The following RPS6KC1 variants were observed in gnomAD, a reference collection of about 807,000 sequenced individuals.
RPS6KC1 encodes inactive ribosomal protein S6 kinase delta-1.
In RPS6KC1, 54 loss-of-function variants were observed where a neutral mutation model predicts 103.8. The ratio of observed to expected loss-of-function variants is 0.52; its 90% CI spans 0.42 to 0.65. RPS6KC1 has a LOEUF of 0.65. Ranked by LOEUF, RPS6KC1 falls within the 30% of genes least tolerant of loss-of-function variation. RPS6KC1 has a pLI of 0.00. For synonymous variants in RPS6KC1, 439 were observed against 438.7 expected, an observed-to-expected ratio of 1.00 and a Z score of -0.01; for missense variants, 1,151 against 1,253.8, an observed-to-expected ratio of 0.92 and a Z score of 1.24.
intron 6 of RPS6KC1, among the ~76,000 whole-genome samples, chr1:213,144,590 G>T (rs1236545003): frequency 3.9e-5 from 6 of 151,994 alleles, no homozygotes; most frequent in Non-Finnish European, 7.4e-5. Context: ...TTACCAGCTT[G>T]TTCTTCCCCA....
At chr1:213,729,663 G>C in the RPS6KC1 span, among the ~76,000 whole-genome samples, 1 of 152,144 alleles carries the variant, frequency 6.6e-6, no homozygotes, top group African/African-American at 2.4e-5. Flanking sequence ...TCCTGCTTCT[G>C]GGCCGTGATT....
At chr1:213,084,933 T>C (rs764743612) in intron 3 of RPS6KC1, among the ~76,000 whole-genome samples, 1 of 152,206 alleles carries the variant, frequency 6.6e-6, no homozygotes, top group Non-Finnish European at 1.5e-5. Context: ...CCCTTATTAG[T>C]GATATGAATT....
chr1:213,741,217 A>G, the RPS6KC1 span, among the ~76,000 whole-genome samples: 3 of 151,862 alleles, frequency 2.0e-5, no homozygotes, highest in Admixed American at 6.6e-5. Context: ...CTATTAATAT[A>G]TTCATCACTT....
intron 6 of RPS6KC1, among the ~76,000 whole-genome samples, chr1:213,156,139 A>G (rs1237163146): frequency 1.3e-5 from 2 of 152,188 alleles, no homozygotes; most frequent in Non-Finnish European, 2.9e-5. Flanking sequence ...ATTATCTTGA[A>G]AAAGTTAAGT....
At chr1:213,861,219 A>G in the RPS6KC1 span, among the ~76,000 whole-genome samples, 1 of 152,212 alleles carries the variant, frequency 6.6e-6, no homozygotes, top group Non-Finnish European at 1.5e-5. Flanking sequence ...GCTGATTCAG[A>G]GTGGGCCTTA....
At chr1:213,440,614 AAG>A in the RPS6KC1 span, among the ~76,000 whole-genome samples, 4 of 151,114 alleles carry the variant, frequency 2.6e-5, no homozygotes, top group Non-Finnish European at 5.9e-5. Flanking sequence ...AAAAAAAAAA[AAG>A]AACTCTATTA....
chr1:213,702,340 G>A, the RPS6KC1 span, among the ~76,000 whole-genome samples: 1 of 151,766 alleles, frequency 6.6e-6, no homozygotes, highest in African/African-American at 2.4e-5. Flanking sequence ...CTAACATATG[G>A]TCTATCCTTG....
At chr1:213,546,784 A>C in the RPS6KC1 span, among the ~76,000 whole-genome samples, 1 of 152,180 alleles carries the variant, frequency 6.6e-6, no homozygotes, top group African/African-American at 2.4e-5. Context: ...TGTTTTTAAC[A>C]TTTTGCCTCA....
chr1:213,509,466 A>G, the RPS6KC1 span, among the ~76,000 whole-genome samples: 1 of 152,210 alleles, frequency 6.6e-6, no homozygotes, highest in Admixed American at 6.5e-5. Context: ...TTTCAAAATA[A>G]TTATTCTGTA....
At chr1:213,176,540 T>C in intron 8 of RPS6KC1, 48 bp downstream of exon 8, 1 of 1,244,038 alleles carries the variant, frequency 8.0e-7, no homozygotes, top group Non-Finnish European at 1.2e-6. Flanking sequence ...ATCGACTGCA[T>C]GCTGACATTC....
At chr1:213,363,687 T>TC in the RPS6KC1 span, among the ~76,000 whole-genome samples, 1 of 86,560 alleles carries the variant, frequency 1.2e-5, no homozygotes, top group Non-Finnish European at 2.3e-5. Context: ...TCTTTCTTTC[T>TC]TTCTTTCTTT....
At chr1:213,206,035 A>G (rs569267510) in intron 8 of RPS6KC1, among the ~76,000 whole-genome samples, 1 of 152,138 alleles carries the variant, frequency 6.6e-6, no homozygotes, top group Non-Finnish European at 1.5e-5. Context: ...GAGATGCTCA[A>G]CTTGTATATA....
chr1:213,411,316 G>A, the RPS6KC1 span, among the ~76,000 whole-genome samples: 14 of 152,218 alleles, frequency 9.2e-5, no homozygotes, highest in Non-Finnish European at 1.6e-4. Context: ...CGAGAGGGAG[G>A]TGCTGTGGCA....
the RPS6KC1 span, among the ~76,000 whole-genome samples, chr1:213,330,391 T>C: frequency 6.6e-6 from 1 of 152,190 alleles, no homozygotes; most frequent in African/African-American, 2.4e-5. Flanking sequence ...TGGAGTCTAG[T>C]AGGGAAGAGA....
At chr1:213,645,583 G>A in the RPS6KC1 span, among the ~76,000 whole-genome samples, 175 of 152,278 alleles carry the variant, frequency 1.1e-3, no homozygotes, top group African/African-American at 3.7e-3. Context: ...GTCCTGGGTA[G>A]GGTCTGTACC....
chr1:213,746,816 G>A, the RPS6KC1 span, among the ~76,000 whole-genome samples: 1 of 152,084 alleles, frequency 6.6e-6, no homozygotes, highest in Non-Finnish European at 1.5e-5. Context: ...AGTAGGCAGA[G>A]GTTTTGGGCT....
chr1:213,541,071 C>A, the RPS6KC1 span, among the ~76,000 whole-genome samples: 1 of 109,232 alleles, frequency 9.2e-6, no homozygotes, highest in East Asian at 2.9e-4. Flanking sequence ...TTCGAACCCT[C>A]AAAGTCATCC....
At chr1:213,395,020 G>A in the RPS6KC1 span, among the ~76,000 whole-genome samples, 33 of 152,268 alleles carry the variant, frequency 2.2e-4, no homozygotes, top group East Asian at 5.4e-3. Flanking sequence ...CTAGCAGAGC[G>A]GCTGTGCCCT....
chr1:213,192,657 C>T (rs186435550), intron 8 of RPS6KC1, among the ~76,000 whole-genome samples: 1 of 152,170 alleles, frequency 6.6e-6, no homozygotes, highest in African/African-American at 2.4e-5. Flanking sequence ...AGAACACCAA[C>T]TTTTTGGTTT....
Sources: gnomAD v4.1 joint callset for allele counts (sites outside exome capture counted in the v4.1 genomes callset) on GRCh38, gnomAD v4.1.1 for gene constraint, MANE v1.5 for transcripts, NCBI Gene and HGNC (gene_info 2026-07-23, HGNC 2026-07-21) for gene names.